BMPR1A: variants seen among roughly 807,000 people sequenced by gnomAD.
BMPR1A encodes bone morphogenetic protein receptor type-1A.
BMPR1A carries 7 observed loss-of-function variants against 66.0 expected under a neutral mutation model. That is an observed-to-expected ratio of 0.11 (90% CI 0.06 to 0.20). The LOEUF is 0.20. Among genes scored for constraint, BMPR1A ranks in the 10% least tolerant of loss-of-function variants. The probability of loss-of-function intolerance (pLI) is 1.00; values close to 1 mark genes in which losing one functional copy is unlikely to be tolerated. For missense variants in BMPR1A, 408 were observed against 669.1 expected (o/e 0.61, Z 4.31); for synonymous variants, 200 against 229.7 (o/e 0.87, Z 1.17).
intron 2 of BMPR1A, chr10:86,854,844 A>G (rs1589747807): frequency 8.2e-6 from 2 of 245,360 alleles, no homozygotes; most frequent in East Asian, 9.9e-5. Flanking sequence ...AAAGGTAAAG[A>G]CTCTTCCAAG....
intron 2 of BMPR1A, among the ~76,000 whole-genome samples, chr10:86,849,524 A>G (rs543326957): frequency 6.6e-6 from 1 of 152,206 alleles, no homozygotes; most frequent in Non-Finnish European, 1.5e-5. Flanking sequence ...TCGATAGTCT[A>G]CCAGTAACTT....
At chr10:86,829,042 C>G (rs1197281363) in intron 1 of BMPR1A, among the ~76,000 whole-genome samples, 1 of 152,062 alleles carries the variant, frequency 6.6e-6, no homozygotes, top group Non-Finnish European at 1.5e-5. Context: ...ATTGCCACAC[C>G]TTCACGGAGC....
chr10:86,871,988 T>A (rs550166592), intron 2 of BMPR1A, among the ~76,000 whole-genome samples: 1 of 152,254 alleles, frequency 6.6e-6, no homozygotes, highest in East Asian at 1.9e-4. Context: ...CTCAAGTGCT[T>A]AGGAGGCCTG....
chr10:86,798,047 A>C (rs557926172), intron 1 of BMPR1A, among the ~76,000 whole-genome samples: 1 of 152,290 alleles, frequency 6.6e-6, no homozygotes, highest in South Asian at 2.1e-4. Flanking sequence ...TTATTTTGAT[A>C]TATTAATTGC....
chr10:86,801,449 G>A (rs1841809463), intron 1 of BMPR1A, among the ~76,000 whole-genome samples: 1 of 152,138 alleles, frequency 6.6e-6, no homozygotes, highest in African/African-American at 2.4e-5. Context: ...CCTGATAGAA[G>A]CTTAGAGATT....
chr10:86,860,970 TAGCTGGGACTACAG>T (rs1842705228), intron 2 of BMPR1A, among the ~76,000 whole-genome samples: 1 of 151,082 alleles, frequency 6.6e-6, no homozygotes, highest in Non-Finnish European at 1.5e-5. Context: ...GCCTCCCCAG[TAGCTGGGACTACAG>T]GCGCCCGCCA....
intron 1 of BMPR1A, among the ~76,000 whole-genome samples, chr10:86,820,598 A>G (rs189364240): frequency 6.6e-6 from 1 of 152,254 alleles, no homozygotes; most frequent in African/African-American, 2.4e-5. Context: ...AACACTGATC[A>G]AATCTCCTTC....
chr10:86,850,063 G>A (rs1415495275), intron 2 of BMPR1A, among the ~76,000 whole-genome samples: 2 of 152,186 alleles, frequency 1.3e-5, no homozygotes, highest in East Asian at 1.9e-4. Flanking sequence ...GCTCATGCCT[G>A]TAATCCCAGC....
chr10:86,789,550 T>G (rs2132762204), intron 1 of BMPR1A, among the ~76,000 whole-genome samples: 1 of 151,864 alleles, frequency 6.6e-6, no homozygotes, highest in East Asian at 2.0e-4. Flanking sequence ...CCATCTCTGC[T>G]AGAAATACAA....
chr10:86,866,399 C>CTT lies in BMPR1A; in HGVS notation c.-152-9442_-152-9441dup, dbSNP rs1048293127. Among the ~76,000 whole-genome samples the CTT allele has an allele frequency of 1.8e-3, 125 of 69,464 alleles. 7 individuals are homozygous for CTT. Among genetic ancestry groups the CTT allele is most frequent in the African/African-American group, 3.5e-3 (65 of 18,812 alleles). 45.6% of individuals were successfully genotyped at this position (69,464 alleles called of 152,430 possible). On this transcript the variant is annotated intron_variant, in intron 2 of 12. Coordinates refer to ENST00000372037, the MANE Select transcript of BMPR1A (RefSeq NM_004329.3). ...TGTGTTAAGTTGGGCAAGTTTCTTT[C>CTT]TTTTTTTTTTTTTTTTTTTTTTTTT...
intron 2 of BMPR1A, chr10:86,855,835 A>G: frequency 2.1e-6 from 2 of 936,242 alleles, no homozygotes; most frequent in Non-Finnish European, 3.3e-6. Context: ...AGTCTTGCTC[A>G]TTATCACTGC....
At chr10:86,886,353 C>T (rs1356420582) in intron 3 of BMPR1A, among the ~76,000 whole-genome samples, 1 of 152,104 alleles carries the variant, frequency 6.6e-6, no homozygotes, top group African/African-American at 2.4e-5. Context: ...TCTGGCTGCT[C>T]TGTGGAAAAT....
At chr10:86,770,272 CAGTG>C (rs1273727575) in intron 1 of BMPR1A, among the ~76,000 whole-genome samples, 2 of 152,166 alleles carry the variant, frequency 1.3e-5, no homozygotes, top group Non-Finnish European at 2.9e-5. Context: ...GCCTAAGTGA[CAGTG>C]AGGCCCTGTG....
downstream of BMPR1A, chr10:86,930,102 A>G (rs35832018): frequency 0.056 from 8,473 of 152,332 alleles, 560 homozygotes; most frequent in African/African-American, 0.15. Flanking sequence ...GCCACCTACT[A>G]TCAGCGGCAC....
At chr10:86,855,853 A>T (rs1035294410) in intron 2 of BMPR1A, 4 of 802,434 alleles carry the variant, frequency 5.0e-6, no homozygotes, top group Non-Finnish European at 6.2e-6. Context: ...TGCTGCTGTC[A>T]TTATGAGTGC....
intron 4 of BMPR1A, among the ~76,000 whole-genome samples, 168 bp downstream of exon 4, chr10:86,890,392 AAT>A (rs1481664838): frequency 6.6e-6 from 1 of 152,090 alleles, no homozygotes; most frequent in Non-Finnish European, 1.5e-5. Flanking sequence ...TATTCCATTA[AAT>A]GATTGATAGG....
intron 1 of BMPR1A, among the ~76,000 whole-genome samples, chr10:86,784,278 C>T (rs1325527254): frequency 6.6e-6 from 1 of 152,040 alleles, no homozygotes; most frequent in African/African-American, 2.4e-5. Flanking sequence ...TCCTTCTATT[C>T]CTTCCTAGTT....
chr10:86,925,672 C>T lies in BMPR1A; in HGVS notation c.*1953C>T, dbSNP rs1200261669. The T allele has an allele frequency of 1.7e-5, 3 of 179,866 alleles. No individual in the cohort carries two copies. Among genetic ancestry groups the T allele is most frequent in the Non-Finnish European group, 3.5e-5 (3 of 86,392 alleles). 11.1% of individuals were successfully genotyped at this position (179,866 alleles called of 1,614,324 possible). ...CTTAGAACACCCAATTTACTTAAAT[C>T]TTGGTTTACTTTTGACTTGATACCA... On this transcript the variant is annotated 3_prime_UTR_variant, in exon 13 of 13. Coordinates refer to ENST00000372037, the MANE Select transcript of BMPR1A (RefSeq NM_004329.3).
intron 1 of BMPR1A, among the ~76,000 whole-genome samples, chr10:86,816,534 A>G (rs977494118): frequency 1.3e-5 from 2 of 152,200 alleles, no homozygotes; most frequent in African/African-American, 2.4e-5. Flanking sequence ...GGAGTACACT[A>G]CAGATGGGGA....
Sources: gnomAD v4.1 joint callset for allele counts (sites outside exome capture counted in the v4.1 genomes callset) on GRCh38, gnomAD v4.1.1 for gene constraint, MANE v1.5 for transcripts, NCBI Gene and HGNC (gene_info 2026-07-23, HGNC 2026-07-21) for gene names.